DIAPH3: variants seen among roughly 807,000 people sequenced by gnomAD.
The protein encoded by DIAPH3 is protein diaphanous homolog 3.
A neutral mutation model predicts 144.3 loss-of-function variants in DIAPH3; 117 were observed. The observed-to-expected ratio is 0.81, with a 90% CI of 0.70 to 0.95. The LOEUF (loss-of-function observed/expected upper bound fraction) is 0.95. DIAPH3 is among the 40% of genes least tolerant of loss of function. The probability of loss-of-function intolerance (pLI) is 0.00; values close to 1 mark genes in which losing one functional copy is unlikely to be tolerated. For missense variants in DIAPH3, 1,421 were observed against 1,412.7 expected (o/e 1.01, Z -0.09); for synonymous variants, 519 against 488.9 (o/e 1.06, Z -0.81).
intron 18 of DIAPH3, among the ~76,000 whole-genome samples, chr13:59,919,715 A>T (rs1175351357): frequency 6.6e-6 from 1 of 152,094 alleles, no homozygotes; most frequent in Non-Finnish European, 1.5e-5. Context: ...AATATCTGAA[A>T]GTATAACTCA....
chr13:59,997,415 T>G (rs575941409), intron 9 of DIAPH3, among the ~76,000 whole-genome samples: 1 of 152,264 alleles, frequency 6.6e-6, no homozygotes, highest in East Asian at 1.9e-4. Flanking sequence ...CCACAGTGAA[T>G]ATGTACCACA....
At chr13:59,757,485 C>T (rs368963504) in intron 27 of DIAPH3, among the ~76,000 whole-genome samples, 1 of 148,432 alleles carries the variant, frequency 6.7e-6, no homozygotes, top group African/African-American at 2.5e-5. Context: ...ACTGCAAGCT[C>T]CGCCTCCCAG....
chr13:59,673,200 T>C (rs921748542), intron 27 of DIAPH3, among the ~76,000 whole-genome samples: 2 of 152,216 alleles, frequency 1.3e-5, no homozygotes, highest in Admixed American at 1.3e-4. Flanking sequence ...TCCTGATTTG[T>C]AATATGCTAC....
At chr13:59,925,079 G>T (rs2047690681) in intron 17 of DIAPH3, among the ~76,000 whole-genome samples, 1 of 152,050 alleles carries the variant, frequency 6.6e-6, no homozygotes, top group Admixed American at 6.5e-5. Context: ...ACTATGGAAA[G>T]TAAATATTTG....
chr13:59,740,938 A>G (rs1014459390), intron 27 of DIAPH3, among the ~76,000 whole-genome samples: 2 of 152,222 alleles, frequency 1.3e-5, no homozygotes, highest in African/African-American at 4.8e-5. Context: ...TCTATGCCCA[A>G]GGCTGGGAAG....
intron 22 of DIAPH3, among the ~76,000 whole-genome samples, chr13:59,851,850 C>T (rs1330305552): frequency 6.6e-6 from 1 of 152,118 alleles, no homozygotes; most frequent in African/African-American, 2.4e-5. Flanking sequence ...AATCTCTTGA[C>T]CTCATGATCC....
intron 17 of DIAPH3, among the ~76,000 whole-genome samples, chr13:59,958,929 G>C (rs1033583962): frequency 6.2e-5 from 9 of 145,106 alleles, no homozygotes; most frequent in Non-Finnish European, 1.3e-4. Flanking sequence ...AGGCTGGAGA[G>C]CAATGGCACG....
Position 59,666,505 on chromosome 13 carries a change from AAG to A in DIAPH3, c.*77_*78del. 1 of 1,548,870 alleles carries A rather than the reference AAG, an allele frequency of 6.5e-7. No homozygotes were observed. The highest frequency in any genetic ancestry group is 8.7e-7 in the Non-Finnish European group (1 of 1,144,268). ...AAACTATATAAAGTCACTTACATAA[AAG>A]CAATTTTTTCAAGTGTTATAGTTTA... On this transcript the variant is annotated 3_prime_UTR_variant, in exon 28 of 28. Transcript: ENST00000400324.
chr13:59,749,347 C>T lies in DIAPH3; in HGVS notation c.3319+24842G>A, dbSNP rs541661614. Among the ~76,000 whole-genome samples the T allele has an allele frequency of 4.6e-5, 7 of 150,680 alleles. No homozygotes were observed. In the East Asian group the frequency reaches 1.2e-3, roughly 25 times the overall value. Reference sequence around the variant, plus strand: ...CATCCTGGCTAACACAGTGAAACCCCGTCTCTACTAAAAATACAAAAAATT... The same window carrying T: ...CATCCTGGCTAACACAGTGAAACCCTGTCTCTACTAAAAATACAAAAAATT... On this transcript the variant is annotated intron_variant, in intron 27 of 27. Transcript: ENST00000400324.
chr13:60,055,717 T>C lies in DIAPH3; in HGVS notation c.496-12897A>G, dbSNP rs370183663. ...AGAATATCTACAGTATATTACCTTATGTTTATGAAAGAAAGAAATGAAAAA... is the reference window on the plus strand; with the variant it reads ...AGAATATCTACAGTATATTACCTTACGTTTATGAAAGAAAGAAATGAAAAA... On this transcript the variant is annotated intron_variant, in intron 4 of 27. Transcript: ENST00000400324. Among the ~76,000 whole-genome samples, 45 of 151,984 alleles carry C rather than the reference T, an allele frequency of 3.0e-4. 1 individual carries two copies. In the East Asian group the frequency reaches 6.0e-3, roughly 20 times the overall value.
At chr13:60,030,298 G>C (rs961191732) in intron 5 of DIAPH3, among the ~76,000 whole-genome samples, 3 of 152,030 alleles carry the variant, frequency 2.0e-5, no homozygotes, top group African/African-American at 7.3e-5. Context: ...CTATATTTTA[G>C]TGGCATGTTA....
chr13:59,929,608 G>C (rs2047922739), intron 17 of DIAPH3, among the ~76,000 whole-genome samples: 1 of 139,474 alleles, frequency 7.2e-6, no homozygotes, highest in African/African-American at 2.7e-5. Flanking sequence ...TGTCGCCCAG[G>C]CCAGAGTGCA....
intron 27 of DIAPH3, among the ~76,000 whole-genome samples, chr13:59,729,956 C>G (rs776954856): frequency 1.3e-5 from 2 of 151,550 alleles, no homozygotes; most frequent in Non-Finnish European, 2.9e-5. Context: ...ACAAAATACT[C>G]TGAATAAAAA....
At chr13:60,066,554 G>C (rs1156367042) in intron 4 of DIAPH3, among the ~76,000 whole-genome samples, 1 of 152,184 alleles carries the variant, frequency 6.6e-6, no homozygotes, top group Non-Finnish European at 1.5e-5. Flanking sequence ...AAAGGAGAAA[G>C]TGAATCTAGA....
chr13:59,868,896 A>T (rs1437220026), intron 21 of DIAPH3, among the ~76,000 whole-genome samples: 1 of 152,194 alleles, frequency 6.6e-6, no homozygotes, highest in Non-Finnish European at 1.5e-5. Context: ...CATTGGCTTA[A>T]AGAGATCATT....
At position 60,058,007 on chromosome 13, in the gene DIAPH3, C is replaced by T. The variant is rs573963416; in HGVS notation, c.496-15187G>A. ...TGGCAAATAATTTATGAGTGAGACC[C>T]CAAAAGCAAATGCAACAAAAAACAA... On this transcript the variant is annotated intron_variant, in intron 4 of 27. Transcript: ENST00000400324. Among the ~76,000 whole-genome samples the T allele has an allele frequency of 5.3e-5, 8 of 151,548 alleles. No homozygotes were observed. In the South Asian group the frequency reaches 1.7e-3, roughly 32 times the overall value.
At chr13:59,715,005 G>A (rs535274955) in intron 27 of DIAPH3, among the ~76,000 whole-genome samples, 10 of 152,260 alleles carry the variant, frequency 6.6e-5, no homozygotes, top group South Asian at 2.1e-4. Flanking sequence ...CAGTACTGAC[G>A]TAGTTTTTCT....
At chr13:60,012,691 T>C (rs2053357411) in intron 7 of DIAPH3, 1 of 152,644 alleles carries the variant, frequency 6.6e-6, no homozygotes, top group Non-Finnish European at 1.5e-5. Context: ...ATCCTGTGAC[T>C]CCTCCAGCCA....
chr13:60,093,793 C>A, intron 3 of DIAPH3, 61 bp from the exon 4 acceptor site: 1 of 1,054,470 alleles, frequency 9.5e-7, no homozygotes, highest in Non-Finnish European at 1.5e-6. Context: ...ATTCTACATG[C>A]ACTACAAATG....
Sources: gnomAD v4.1 joint callset for allele counts (sites outside exome capture counted in the v4.1 genomes callset) on GRCh38, gnomAD v4.1.1 for gene constraint, MANE v1.5 for transcripts, NCBI Gene and HGNC (gene_info 2026-07-23, HGNC 2026-07-21) for gene names.